The following STARD9 variants were observed in gnomAD, a reference collection of about 807,000 sequenced individuals.
The protein encoded by STARD9 is StAR related lipid transfer domain containing 9, also known as stAR-related lipid transfer protein 9.
A neutral mutation model predicts 399.8 loss-of-function variants in STARD9; 346 were observed. That is an observed-to-expected ratio of 0.87 (90% CI 0.79 to 0.95). The LOEUF (loss-of-function observed/expected upper bound fraction) is 0.95, where lower values mean the gene tolerates loss of function less well. STARD9 is among the 40% of genes least tolerant of loss of function. STARD9 has a pLI of 0.00. For synonymous variants in STARD9, 2,203 were observed against 2,143.5 expected (o/e 1.03, Z -0.77); for missense variants, 5,832 against 5,667.5 (o/e 1.03, Z -0.93).
At position 42,719,707 on chromosome 15, in the gene STARD9, C is replaced by G. The variant is rs1001584432; in HGVS notation, c.*133C>G. On this transcript the variant is annotated 3_prime_UTR_variant, in exon 33 of 33. Coordinates refer to ENST00000290607, the MANE Select transcript of STARD9 (RefSeq NM_020759.3). ...TGCTACCTGCTGTGGCCGATTGGGG[C>G]AGACAGCACTGGCCCAGGGATGCTA... 3.0e-5 allele frequency: 19 copies of G among 639,794 alleles called. No homozygotes were observed. The highest frequency in any genetic ancestry group is 4.0e-4 in the Middle Eastern group (1 of 2,512). The allele number at this position is 639,794 out of a possible 1,614,324, so 39.6% of individuals were successfully genotyped here. A position where few individuals can be genotyped will look rare whatever the true frequency, so the allele number is the denominator to read the frequency against.
At position 42,613,342 on chromosome 15, in the gene STARD9, AT is replaced by A. The variant is rs774092968; in HGVS notation, c.235-21511del. ...CCAATAAAGGTAATAAAAGAGTAGC[AT>A]TTAGCAAAGAGGGGATATTTTAGGA... On this transcript the variant is annotated intron_variant, in intron 3 of 32. Transcript: ENST00000290607. Among the ~76,000 whole-genome samples the A allele has an allele frequency of 5.9e-5, 9 of 152,298 alleles. No homozygotes were observed. The East Asian group carries it at 1.5e-3, about 26-fold the overall frequency.
chr15:42,716,906 G>A (rs1292186781), intron 27 of STARD9, 21 bp from the exon 28 acceptor site: 31 of 1,537,006 alleles, frequency 2.0e-5, no homozygotes, highest in Non-Finnish European at 2.6e-5. Flanking sequence ...CTATCACAGG[G>A]CCTCCACCTA....
chr15:42,658,379 T>A (rs990366468), intron 9 of STARD9, among the ~76,000 whole-genome samples: 13 of 151,862 alleles, frequency 8.6e-5, no homozygotes, highest in African/African-American at 3.1e-4. Context: ...TCTCGTTATG[T>A]TGCCCAGGCT....
chr15:42,608,451 C>G (rs538838662), intron 3 of STARD9, among the ~76,000 whole-genome samples: 2 of 152,248 alleles, frequency 1.3e-5, no homozygotes, highest in Admixed American at 6.5e-5. Context: ...AGGCTCAGCT[C>G]CCTTGCTTCT....
chr15:42,587,637 G>T (rs1465806889), intron 3 of STARD9, among the ~76,000 whole-genome samples: 1 of 152,106 alleles, frequency 6.6e-6, no homozygotes, highest in Non-Finnish European at 1.5e-5. Context: ...CACCATCTCG[G>T]CTCACCACAA....
At chr15:42,596,946 T>G (rs897133348) in intron 3 of STARD9, among the ~76,000 whole-genome samples, 4 of 152,228 alleles carry the variant, frequency 2.6e-5, no homozygotes, top group Admixed American at 2.6e-4. Flanking sequence ...TGTTTACAAT[T>G]CTTTTGGTAT....
In STARD9 at chr15:42,685,854, T is replaced by C; in HGVS notation, c.4276T>C (p.Trp1426Arg). The change falls in exon 23 of 33, where the codon TGG becomes CGG. Residue 1426 changes from tryptophan to arginine, a missense_variant. By Grantham distance (101) the Trp-to-Arg change is moderately radical. Coordinates refer to ENST00000290607, the MANE Select transcript of STARD9 (RefSeq NM_020759.3). ...TGCTGATACGTCTAGGCTGTCTCTC[T>C]GGGGAATTCAAAGGCTTATTCAACC... ...SAADTSRLSL[W>R]GIQRLIQPGA... 1 of 1,537,140 alleles carries C rather than the reference T, an allele frequency of 6.5e-7. No individual in the cohort carries two copies. Among genetic ancestry groups the C allele is most frequent in the Non-Finnish European group, 8.7e-7 (1 of 1,146,920 alleles).
At chr15:42,674,022 G>A in intron 16 of STARD9, 2 of 457,624 alleles carry the variant, frequency 4.4e-6, no homozygotes, top group South Asian at 3.1e-5. Flanking sequence ...GAGACTTACT[G>A]GATCAAACTT....
At position 42,690,090 on chromosome 15, in the gene STARD9, C is replaced by T. The variant is rs2140271417; in HGVS notation, c.8512C>T (p.Pro2838Ser). The T allele has an allele frequency of 1.3e-6, 2 of 1,537,644 alleles. No homozygotes were observed. Among genetic ancestry groups the T allele is most frequent in the Non-Finnish European group, 1.7e-6 (2 of 1,147,010 alleles). ...SGPKQDHVQC[P>S]EASTGFEEGR... ...GCCTAAGCAAGACCATGTCCAATGC[C>T]CTGAGGCTTCTACTGGCTTTGAAGA... Residue 2838 changes from proline to serine, a missense_variant, in exon 23 of 33, where the codon CCT (proline) becomes TCT (serine). Physicochemically the swap from Pro to Ser is moderately conservative, Grantham distance 74. Transcript: ENST00000290607.
intron 25 of STARD9, 103 bp downstream of exon 25, chr15:42,695,426 G>A (rs2060821754): frequency 8.7e-7 from 1 of 1,151,558 alleles, no homozygotes; most frequent in Admixed American, 2.8e-5. Context: ...CGTAACATTT[G>A]GAGGAGGCTG....
At position 42,581,651 on chromosome 15, in the gene STARD9, G is replaced by C. The variant is rs2058174052; in HGVS notation, c.48-1695G>C. Among the ~76,000 whole-genome samples, 6 of 147,056 alleles carry C rather than the reference G, an allele frequency of 4.1e-5. 1 individual carries two copies. The highest frequency in any genetic ancestry group is 3.4e-3 in the Middle Eastern group (1 of 292). On this transcript the variant is annotated intron_variant, in intron 1 of 32. Coordinates refer to ENST00000290607, the MANE Select transcript of STARD9 (RefSeq NM_020759.3). ...CCGCCCCTGCCGCCAGCCGATCCTC[G>C]GGCCTCGCCAGCAGCCTCAGCAGCA... is the stretch of plus-strand genomic sequence containing the variant.
intron 7 of STARD9, among the ~76,000 whole-genome samples, chr15:42,641,625 A>G (rs1437165292): frequency 1.4e-5 from 2 of 142,162 alleles, no homozygotes; most frequent in African/African-American, 5.3e-5. Flanking sequence ...TTTTTTTGAG[A>G]CAGAGTTTTG....
intron 1 of STARD9, among the ~76,000 whole-genome samples, chr15:42,580,960 C>T (rs891857323): frequency 6.6e-6 from 1 of 152,214 alleles, no homozygotes; most frequent in African/African-American, 2.4e-5. Context: ...TCAGATGAAG[C>T]TCATCTTCCC....
intron 10 of STARD9, among the ~76,000 whole-genome samples, chr15:42,661,623 T>C (rs1358604382): frequency 6.6e-6 from 1 of 152,022 alleles, no homozygotes; most frequent in Non-Finnish European, 1.5e-5. Flanking sequence ...TTTCTTTCTT[T>C]CTTTCTTTTT....
rs900528529 is a variant in STARD9, at chr15:42,720,917, T to A, written c.*1343T>A. 6.6e-6 allele frequency: 1 copy of A among 152,228 alleles called. No individual in the cohort carries two copies. Among genetic ancestry groups the A allele is most frequent in the African/African-American group, 2.4e-5 (1 of 41,450 alleles). 9.4% of individuals were successfully genotyped at this position (152,228 alleles called of 1,614,324 possible). On this transcript the variant is annotated 3_prime_UTR_variant, in exon 33 of 33. Coordinates refer to ENST00000290607, the MANE Select transcript of STARD9 (RefSeq NM_020759.3). ...ATTTAACACCCTATTTATATACTCC[T>A]ACCTCTTTTCATATAAATCTCTTAC...
At chr15:42,717,899 C>A (rs1346186304) in intron 29 of STARD9, 78 bp from the exon 30 acceptor site, 2 of 1,501,902 alleles carry the variant, frequency 1.3e-6, no homozygotes, top group East Asian at 4.9e-5. Context: ...CAAGTCTTCA[C>A]TCTGAGCCCC....
At chr15:42,590,118 A>G (rs1453167256) in intron 3 of STARD9, among the ~76,000 whole-genome samples, 1 of 151,748 alleles carries the variant, frequency 6.6e-6, no homozygotes, top group Non-Finnish European at 1.5e-5. Flanking sequence ...GTGTGCCACC[A>G]TGCTCGGCTA....
chr15:42,694,399 A>T, intron 23 of STARD9, 57 bp downstream of exon 23: 1 of 1,533,886 alleles, frequency 6.5e-7, no homozygotes, highest in Non-Finnish European at 8.7e-7. Context: ...AGGAAAGAGA[A>T]CCCAAGAAAG....
rs1289900319 is a variant in STARD9, at chr15:42,717,000, C to T, written c.13446C>T (p.Ser4482=). 4 of 1,537,252 alleles carry T rather than the reference C, an allele frequency of 2.6e-6. No individual in the cohort carries two copies. Residue 4482 remains serine, a synonymous_variant, in exon 28 of 33, where the codon TCC becomes TCT. Transcript: ENST00000290607. ...CCAGCTTGGGGACCTGCTTTTCCTC[C>T]TCCTACCAGGATTTGGCCAAGCATG... ...SLSSLGTCFS[S]SYQDLAKHVV... is the part of the protein sequence containing the mutation.
Sources: allele counts gnomAD v4.1 joint callset (sites outside exome capture counted in the v4.1 genomes callset), GRCh38; gene constraint gnomAD v4.1.1; transcripts MANE v1.5; gene names NCBI Gene and HGNC (gene_info 2026-07-23, HGNC 2026-07-21).